The following MYEF2 variants were observed in gnomAD, a reference collection of about 807,000 sequenced individuals.
MYEF2 encodes myelin gene expression factor 2.
MYEF2 carries 37 observed loss-of-function variants against 75.2 expected under a neutral mutation model. The observed-to-expected ratio is 0.49, with a 90% CI of 0.38 to 0.65. The LOEUF is 0.65. Among genes scored for constraint, MYEF2 ranks in the 30% least tolerant of loss-of-function variants. The pLI is 0.00. For synonymous variants in MYEF2, 195 were observed against 241.6 expected (o/e 0.81, Z 1.79); for missense variants, 634 against 771.4 (o/e 0.82, Z 2.11).
intron 9 of MYEF2, chr15:48,157,631 C>T: frequency 8.5e-6 from 4 of 468,914 alleles, no homozygotes; most frequent in South Asian, 8.8e-5. Flanking sequence ...TTTTTGTTCC[C>T]AACTATGTAA....
chr15:48,150,559 G>A (rs931992599), intron 14 of MYEF2, among the ~76,000 whole-genome samples: 4 of 151,864 alleles, frequency 2.6e-5, no homozygotes, highest in South Asian at 2.1e-4. Flanking sequence ...GGAAATAGAC[G>A]GATGGGAGAT....
chr15:48,168,605 CA>C, intron 2 of MYEF2, 25 bp downstream of exon 2: 2 of 1,574,372 alleles, frequency 1.3e-6, no homozygotes, highest in Non-Finnish European at 1.7e-6. Flanking sequence ...GATTATCCAA[CA>C]GTGGGTTATT....
chr15:48,151,265 G>A (rs1267019758), intron 13 of MYEF2, 94 bp from the exon 14 acceptor site: 3 of 1,184,934 alleles, frequency 2.5e-6, no homozygotes, highest in African/African-American at 1.6e-5. Context: ...TACAATAAAT[G>A]AAAAGCATAA....
Position 48,138,728 on chromosome 15 carries a change from T to G in MYEF2, c.*4180A>C, listed in dbSNP as rs2038964049. On this transcript the variant is annotated 3_prime_UTR_variant, in exon 17 of 17. Transcript: ENST00000324324. ...TATATTTAACGAATGGCCCAAGACA[T>G]TTTTATAGATTTAAGGCCCCAAATA... is the stretch of plus-strand genomic sequence containing the variant. The G allele has an allele frequency of 9.0e-6, 4 of 444,528 alleles. No individual in the cohort carries two copies. Among genetic ancestry groups the G allele is most frequent in the Non-Finnish European group, 1.6e-5 (4 of 245,712 alleles). The allele number at this position is 444,528 out of a possible 1,614,324, so 27.5% of individuals were successfully genotyped here.
Position 48,136,637 on chromosome 15 carries a change from A to T in MYEF2, c.*6271T>A, listed in dbSNP as rs1248340950. 6.5e-7 allele frequency: 1 copy of T among 1,535,302 alleles called. No individual in the cohort carries two copies. Among genetic ancestry groups the T allele is most frequent in the Non-Finnish European group, 8.8e-7 (1 of 1,136,500 alleles). On this transcript the variant is annotated 3_prime_UTR_variant, in exon 17 of 17. Coordinates refer to ENST00000324324, the MANE Select transcript of MYEF2 (RefSeq NM_016132.5). ...ACTGCCCAAAAGCTATCAACTCTAA[A>T]ATGACTTTCACTTTTAATTTAAAAA...
At chr15:48,169,385 C>T (rs1310177696) in intron 1 of MYEF2, among the ~76,000 whole-genome samples, 1 of 152,118 alleles carries the variant, frequency 6.6e-6, no homozygotes, top group Non-Finnish European at 1.5e-5. Context: ...TATGAATATA[C>T]TCACATTAAG....
rs369094381 is a variant in MYEF2, at chr15:48,177,943, A to C, written c.161+134T>G. On this transcript the variant is annotated intron_variant, in intron 1 of 16. Transcript: ENST00000324324. Reference sequence around the variant, plus strand: ...AGCGGCCCAGCTGCACCTGCTCCTCAGGAAGCCGATGGCCCGGGGGCGGGC... The same window carrying C: ...AGCGGCCCAGCTGCACCTGCTCCTCCGGAAGCCGATGGCCCGGGGGCGGGC... 1.1e-3 allele frequency: 1,403 copies of C among 1,226,684 alleles called. 25 individuals carry two copies. The South Asian group carries it at 0.02, about 18-fold the overall frequency. The allele number at this position is 1,226,684 out of a possible 1,614,324, so 76.0% of individuals were successfully genotyped here.
Position 48,158,823 on chromosome 15 carries a change from T to C in MYEF2, c.817A>G (p.Arg273Gly), listed in dbSNP as rs751803418. ...TCAAAAGTGACAGTGCCCATTCCTC[T>C]GCTCTTGCCATCTTTGTCTTCTTTA... ...DIKEDKDGKSRGMGTVTFEQA... is the reference protein window; with the variant it reads ...DIKEDKDGKSGGMGTVTFEQA... The change falls in exon 7 of 17, where the codon AGA (arginine) becomes GGA (glycine). Residue 273 changes from arginine to glycine, a missense_variant. Physicochemically the swap from Arg to Gly is moderately radical, Grantham distance 125 (BLOSUM62 -2). Transcript: ENST00000324324. 1.9e-6 allele frequency: 3 copies of C among 1,613,850 alleles called. No individual in the cohort carries two copies. The highest frequency in any genetic ancestry group is 2.2e-5 in the East Asian group (1 of 44,870).
chr15:48,152,233 C>T lies in MYEF2; in HGVS notation c.1138+1G>A. ...ACAAAAAAACAAATCTTTATACATA[C>T]CTCCTCCAATTCTATTCATTCCTCC... On this transcript the variant is annotated splice_donor_variant, in intron 11 of 16. Transcript: ENST00000324324. LOFTEE classifies it high-confidence loss of function. The T allele has an allele frequency of 6.2e-7, 1 of 1,609,602 alleles. No individual in the cohort carries two copies. Among genetic ancestry groups the T allele is most frequent in the South Asian group, 1.1e-5 (1 of 90,848 alleles).
chr15:48,158,133 A>G, intron 8 of MYEF2, 42 bp downstream of exon 8: 1 of 1,612,000 alleles, frequency 6.2e-7, no homozygotes, highest in East Asian at 2.2e-5. Context: ...CCAATAAAAG[A>G]TCTGAAGAGG....
At chr15:48,159,033 TCAA>T in intron 6 of MYEF2, 111 bp from the exon 7 acceptor site, 1 of 881,812 alleles carries the variant, frequency 1.1e-6, no homozygotes, top group Non-Finnish European at 1.7e-6. Context: ...TAATTCTAGT[TCAA>T]CAATATATTG....
intron 1 of MYEF2, among the ~76,000 whole-genome samples, chr15:48,170,823 T>C (rs997070453): frequency 3.3e-5 from 5 of 152,226 alleles, no homozygotes; most frequent in African/African-American, 9.6e-5. Context: ...GCACGGTGAC[T>C]GCATATAACA....
At chr15:48,147,535 T>G (rs1873354332) in intron 16 of MYEF2, among the ~76,000 whole-genome samples, 1 of 151,942 alleles carries the variant, frequency 6.6e-6, no homozygotes, top group Admixed American at 6.6e-5. Flanking sequence ...ATACATTCTT[T>G]CCTCTGTAGT....
intron 9 of MYEF2, among the ~76,000 whole-genome samples, chr15:48,156,050 T>A (rs1268971284): frequency 6.6e-6 from 1 of 152,116 alleles, no homozygotes; most frequent in African/African-American, 2.4e-5. Flanking sequence ...AGTGCTGGGA[T>A]TACAGGTGTT....
intron 12 of MYEF2, 28 bp from the exon 13 acceptor site, chr15:48,151,599 T>G: frequency 6.4e-7 from 1 of 1,555,142 alleles, no homozygotes; most frequent in Non-Finnish European, 8.8e-7. Context: ...CAAATTAACC[T>G]TTTCAAATAT....
At chr15:48,159,847 T>G in intron 5 of MYEF2, 43 bp from the exon 6 acceptor site, 1 of 1,532,442 alleles carries the variant, frequency 6.5e-7, no homozygotes, top group Non-Finnish European at 8.9e-7. Flanking sequence ...AATACATCAC[T>G]AATTCTACAA....
rs140877350 is a variant in MYEF2 at position 48,142,254 on chromosome 15, T to C, written c.*654A>G. ...TGGAAACTAGACAGAAAGTTGGGAA[T>C]AGTCTGCCTATTATCATACTTGGGG... On this transcript the variant is annotated 3_prime_UTR_variant, in exon 17 of 17. Coordinates refer to ENST00000324324, the MANE Select transcript of MYEF2 (RefSeq NM_016132.5). 1.9e-6 allele frequency: 3 copies of C among 1,613,414 alleles called. No individual in the cohort carries two copies. Among genetic ancestry groups the C allele is most frequent in the African/African-American group, 2.7e-5 (2 of 75,038 alleles).
chr15:48,169,203 G>C (rs1043200724), intron 1 of MYEF2, among the ~76,000 whole-genome samples: 2 of 152,144 alleles, frequency 1.3e-5, no homozygotes, highest in Non-Finnish European at 2.9e-5. Flanking sequence ...ACCTTTGATG[G>C]AGAATTAACT....
chr15:48,136,673 T>C lies in MYEF2; in HGVS notation c.*6235A>G, dbSNP rs1361625267. The C allele has an allele frequency of 6.3e-7, 1 of 1,576,714 alleles. No individual in the cohort carries two copies. The highest frequency in any genetic ancestry group is 8.6e-7 in the Non-Finnish European group (1 of 1,162,392). ...CTTTTAATTTAAAAACACAAATTTC[T>C]CTTTTGTAGGTATGAAGGGGCTTTA... On this transcript the variant is annotated 3_prime_UTR_variant, in exon 17 of 17. Coordinates refer to ENST00000324324, the MANE Select transcript of MYEF2 (RefSeq NM_016132.5).
Sources: allele counts gnomAD v4.1 joint callset (sites outside exome capture counted in the v4.1 genomes callset), GRCh38; gene constraint gnomAD v4.1.1; transcripts MANE v1.5; gene names NCBI Gene and HGNC (gene_info 2026-07-23, HGNC 2026-07-21).